Variants in ADGRL2 observed in about 807,000 individuals in gnomAD.
ADGRL2 encodes calcium-independent alpha-latrotoxin receptor 2.
Under a neutral mutation model 157.4 loss-of-function variants are expected in ADGRL2, and 44 were observed. That is an observed-to-expected ratio of 0.28 (90% CI 0.22 to 0.36). The LOEUF is 0.36. Ranked by LOEUF, ADGRL2 falls within the 10% of genes least tolerant of loss-of-function variation. The probability of loss-of-function intolerance (pLI) is 1.00; values close to 1 mark genes in which losing one functional copy is unlikely to be tolerated. For synonymous variants in ADGRL2, 585 were observed against 624.7 expected, an observed-to-expected ratio of 0.94 and a Z score of 0.95; for missense variants, 1,510 against 1,768.9, an observed-to-expected ratio of 0.85 and a Z score of 2.63.
At chr1:81,592,341 GA>G (rs1219869847) in intron 3 of ADGRL2, among the ~76,000 whole-genome samples, 2 of 152,318 alleles carry the variant, frequency 1.3e-5, no homozygotes, top group East Asian at 3.9e-4. Context: ...ATTGTTAAAT[GA>G]ATGTGTTCCG....
chr1:81,386,977 C>A (rs536004910), intron 1 of ADGRL2, among the ~76,000 whole-genome samples: 2 of 152,272 alleles, frequency 1.3e-5, no homozygotes, highest in African/African-American at 4.8e-5. Context: ...TGAGACCAGG[C>A]TTTTGCTTGG....
intron 2 of ADGRL2, among the ~76,000 whole-genome samples, chr1:81,498,933 C>T (rs1177138246): frequency 6.6e-6 from 1 of 152,152 alleles, no homozygotes; most frequent in Non-Finnish European, 1.5e-5. Context: ...AATTGTGTCT[C>T]ACTGTACTGT....
At chr1:81,609,968 A>C (rs1203795065) in intron 3 of ADGRL2, among the ~76,000 whole-genome samples, 2 of 152,234 alleles carry the variant, frequency 1.3e-5, no homozygotes, top group Non-Finnish European at 2.9e-5. Flanking sequence ...TAATTAGTGC[A>C]ATATCTTTAT....
chr1:81,677,063 C>T (rs1279997840), intron 3 of ADGRL2, among the ~76,000 whole-genome samples: 1 of 150,382 alleles, frequency 6.6e-6, no homozygotes, highest in South Asian at 2.1e-4. Context: ...CTCGGCTCAT[C>T]GCAACTCTGC....
chr1:81,523,114 A>G (rs2079363611), intron 2 of ADGRL2, among the ~76,000 whole-genome samples: 1 of 152,198 alleles, frequency 6.6e-6, no homozygotes, highest in Admixed American at 6.5e-5. Context: ...AAAACTACTG[A>G]AGAACAAAAA....
chr1:81,795,488 T>TTA (rs1401732329), upstream of ADGRL2, among the ~76,000 whole-genome samples: 3 of 152,204 alleles, frequency 2.0e-5, no homozygotes, highest in Non-Finnish European at 4.4e-5. Flanking sequence ...TATGAAAACT[T>TTA]TAATGTATGA....
At chr1:81,396,539 G>A (rs572584665) in intron 1 of ADGRL2, among the ~76,000 whole-genome samples, 16 of 152,206 alleles carry the variant, frequency 1.1e-4, no homozygotes, top group African/African-American at 3.4e-4. Context: ...ACTATATTGA[G>A]CAAGAGTGGT....
intron 3 of ADGRL2, among the ~76,000 whole-genome samples, chr1:81,691,125 T>C (rs1202604928): frequency 1.3e-5 from 2 of 152,238 alleles, no homozygotes; most frequent in Non-Finnish European, 2.9e-5. Flanking sequence ...CACAAGCACA[T>C]GTGCAGAAAA....
At chr1:81,390,041 T>C (rs1203681118) in intron 1 of ADGRL2, among the ~76,000 whole-genome samples, 1 of 132,898 alleles carries the variant, frequency 7.5e-6, no homozygotes, top group Non-Finnish European at 1.7e-5. Flanking sequence ...GGATTCTTCT[T>C]CCTCACCTTT....
At chr1:81,987,648 A>T (rs1479798197) in intron 22 of ADGRL2, among the ~76,000 whole-genome samples, 2 of 151,602 alleles carry the variant, frequency 1.3e-5, no homozygotes, top group African/African-American at 4.8e-5. Context: ...TATTTTAAAT[A>T]AAAGTATATA....
At chr1:81,789,591 TG>T (rs889136700) in intron 2 of ADGRL2, among the ~76,000 whole-genome samples, 6 of 148,174 alleles carry the variant, frequency 4.0e-5, no homozygotes, top group Non-Finnish European at 7.4e-5. Context: ...CTGTGTGTGG[TG>T]GTGGGCGCCT....
At chr1:81,883,976 GT>G (rs1400221368) in intron 2 of ADGRL2, among the ~76,000 whole-genome samples, 2 of 137,128 alleles carry the variant, frequency 1.5e-5, no homozygotes, top group African/African-American at 2.8e-5. Context: ...ATGTTTCTTT[GT>G]TTTCATATGA....
intron 3 of ADGRL2, among the ~76,000 whole-genome samples, chr1:81,594,281 G>A (rs568269125): frequency 2.6e-5 from 4 of 152,090 alleles, no homozygotes; most frequent in African/African-American, 4.8e-5. Flanking sequence ...ATTATTTGAC[G>A]AGTGAAACAT....
intron 1 of ADGRL2, among the ~76,000 whole-genome samples, chr1:81,815,254 G>A (rs1252014129): frequency 1.3e-5 from 2 of 151,708 alleles, no homozygotes; most frequent in Non-Finnish European, 3.0e-5. Flanking sequence ...AAAGCGGAAA[G>A]GTAGTTGTTA....
chr1:81,704,893 TA>T (rs2083682654), intron 1 of ADGRL2, among the ~76,000 whole-genome samples: 1 of 152,032 alleles, frequency 6.6e-6, no homozygotes, highest in Non-Finnish European at 1.5e-5. Flanking sequence ...CTGGATGACA[TA>T]GGGGTACTGA....
chr1:81,320,017 A>G (rs1165066203), intron 1 of ADGRL2, among the ~76,000 whole-genome samples: 1 of 152,218 alleles, frequency 6.6e-6, no homozygotes, highest in Non-Finnish European at 1.5e-5. Flanking sequence ...ATTGGAGTCA[A>G]TCCTCTCAAA....
intron 2 of ADGRL2, among the ~76,000 whole-genome samples, chr1:81,534,085 C>A (rs1221473198): frequency 6.6e-6 from 1 of 152,134 alleles, no homozygotes; most frequent in Admixed American, 6.6e-5. Flanking sequence ...TGTCATCTAA[C>A]CAAAATGGGC....
chr1:81,349,852 C>T (rs1021304065), intron 1 of ADGRL2, among the ~76,000 whole-genome samples: 2 of 151,680 alleles, frequency 1.3e-5, no homozygotes, highest in African/African-American at 2.4e-5. Context: ...ATTAGGAAGG[C>T]GGGAGGGAAA....
chr1:81,747,697 ATGTT>A (rs970461327), intron 1 of ADGRL2, among the ~76,000 whole-genome samples: 38 of 100,030 alleles, frequency 3.8e-4, no homozygotes, highest in African/African-American at 1.5e-3. Flanking sequence ...TTTTCCTTTA[ATGTT>A]TGTGTGTGTG....
Sources: allele counts gnomAD v4.1 joint callset (sites outside exome capture counted in the v4.1 genomes callset), GRCh38; gene constraint gnomAD v4.1.1; transcripts MANE v1.5; gene names NCBI Gene and HGNC (gene_info 2026-07-23, HGNC 2026-07-21).